Variants in DIXDC1 observed in about 807,000 individuals in gnomAD.
DIXDC1 encodes the protein dixin.
In DIXDC1, 64 loss-of-function variants were observed where a neutral mutation model predicts 103.1. The ratio of observed to expected loss-of-function variants is 0.62; its 90% CI spans 0.51 to 0.76. The LOEUF is 0.76. Among genes scored for constraint, DIXDC1 ranks in the 30% least tolerant of loss-of-function variants. DIXDC1 has a pLI of 0.00. For missense variants in DIXDC1, 759 were observed against 834.2 expected (o/e 0.91, Z 1.11); for synonymous variants, 266 against 298.5 (o/e 0.89, Z 1.12).
Position 112,016,760 on chromosome 11 carries a change from G to A in DIXDC1, c.1826G>A (p.Arg609Gln), listed in dbSNP as rs1555177782. The change falls in exon 18 of 20, where the codon CGG becomes CAG. Residue 609 changes from arginine to glutamine, a missense_variant. By Grantham distance (43) the Arg-to-Gln change is conservative. Transcript: ENST00000440460. ...TCTKVLYFTD[R>Q]SLTPFMVNIP... ...ACTAAAGTGCTCTATTTCACTGACC[G>A]GTCACTTACGCCCTTCATGGTCAAT... The A allele has an allele frequency of 1.9e-6, 3 of 1,608,758 alleles. No homozygotes were observed. Among genetic ancestry groups the A allele is most frequent in the African/African-American group, 1.3e-5 (1 of 74,788 alleles).
chr11:111,995,160 A>T, intron 15 of DIXDC1, 52 bp downstream of exon 15: 6 of 1,575,878 alleles, frequency 3.8e-6, no homozygotes, highest in Middle Eastern at 1.7e-4. Flanking sequence ...TGAAACCAGA[A>T]GAGTGCCAAA....
chr11:111,982,828 G>A (rs1555173405), intron 7 of DIXDC1, among the ~76,000 whole-genome samples: 1 of 152,194 alleles, frequency 6.6e-6, no homozygotes, highest in East Asian at 1.9e-4. Context: ...CCAAAGAATG[G>A]CACTGTGAAT....
intron 10 of DIXDC1, among the ~76,000 whole-genome samples, chr11:111,991,652 CT>C (rs1860716238): frequency 6.6e-6 from 1 of 152,152 alleles, no homozygotes; most frequent in Admixed American, 6.5e-5. Flanking sequence ...TCCAGCTCAC[CT>C]TTTGTTAGGC....
chr11:111,950,409 G>T (rs1270994582), intron 1 of DIXDC1, among the ~76,000 whole-genome samples: 2 of 41,780 alleles, frequency 4.8e-5, no homozygotes, highest in Non-Finnish European at 8.5e-5. Flanking sequence ...GTACAAAGTA[G>T]GTATATATAT....
Position 111,974,160 on chromosome 11 carries a change from G to A in DIXDC1, c.454G>A (p.Ala152Thr). Residue 152 changes from alanine to threonine, a missense_variant, in exon 4 of 20, where the codon GCC becomes ACC. Ala to Thr is a moderately conservative substitution (Grantham distance 58). Coordinates refer to ENST00000440460, the MANE Select transcript of DIXDC1 (RefSeq NM_001037954.4). ...TCTGCAAAGTCACCGACCACACTGT[G>A]CCACTGCTGTTGCCCAGGGAGCAGC... ...APLQSHRPHCATAVAQGAAAA... is the reference protein window; with the variant it reads ...APLQSHRPHCTTAVAQGAAAA... 6.2e-7 allele frequency: 1 copy of A among 1,614,032 alleles called. No homozygotes were observed. The highest frequency in any genetic ancestry group is 8.5e-7 in the Non-Finnish European group (1 of 1,179,898).
intron 1 of DIXDC1, among the ~76,000 whole-genome samples, chr11:111,956,463 A>G (rs782310115): frequency 6.6e-6 from 1 of 152,220 alleles, no homozygotes. Context: ...AATCTAGAAC[A>G]ATTTGAGCAG....
At chr11:111,975,504 A>T in intron 5 of DIXDC1, 2 of 991,654 alleles carry the variant, frequency 2.0e-6, no homozygotes, top group Non-Finnish European at 2.4e-6. Flanking sequence ...TTGCGACTCT[A>T]GCTAAAAGTT....
chr11:111,992,137 C>G (rs1426357019), intron 10 of DIXDC1, among the ~76,000 whole-genome samples: 6 of 152,074 alleles, frequency 3.9e-5, no homozygotes, highest in Admixed American at 2.6e-4. Flanking sequence ...ACCATGCTGT[C>G]AGGATTGAGG....
In DIXDC1 at chr11:111,998,621, G is replaced by A. The variant is rs1860973528; in HGVS notation, c.1756+2475G>A. 6.6e-6 allele frequency among the ~76,000 whole-genome samples: 1 copy of A among 152,116 alleles called. No individual in the cohort carries two copies. The highest frequency in any genetic ancestry group is 1.5e-5 in the Non-Finnish European group (1 of 68,000). Reference sequence around the variant, plus strand: ...TGCAATGGCGTGATCTCGACTCACTGCAAGCTCTGCCTCCAGGGTTCAAGT... The same window carrying A: ...TGCAATGGCGTGATCTCGACTCACTACAAGCTCTGCCTCCAGGGTTCAAGT... On this transcript the variant is annotated intron_variant, in intron 17 of 19. Coordinates refer to ENST00000440460, the MANE Select transcript of DIXDC1 (RefSeq NM_001037954.4). This position sits in a 1 kb window ranked among gnomAD's most constrained non-coding sequence, Gnocchi z 4.1.
chr11:111,987,937 G>T (rs587658624), intron 9 of DIXDC1, among the ~76,000 whole-genome samples: 1 of 150,924 alleles, frequency 6.6e-6, no homozygotes, highest in African/African-American at 2.4e-5. Context: ...GGATTACAGC[G>T]TGAGCCACTG....
chr11:111,988,008 T>C (rs1860555044), intron 9 of DIXDC1, among the ~76,000 whole-genome samples: 2 of 151,746 alleles, frequency 1.3e-5, no homozygotes, highest in Non-Finnish European at 2.9e-5. Context: ...GTTTTGTTTG[T>C]TTGTTTTTTG....
In DIXDC1 at chr11:112,020,749, G is replaced by A. The variant is rs1323710779; in HGVS notation, c.*1713G>A. On this transcript the variant is annotated 3_prime_UTR_variant, in exon 20 of 20. Coordinates refer to ENST00000440460, the MANE Select transcript of DIXDC1 (RefSeq NM_001037954.4). ...GTGTAATCCAGTTGATTGCTCCTCT[G>A]GCAGAGAGAAGGAGCTCAAAAGATA... 6.6e-6 allele frequency: 1 copy of A among 152,220 alleles called. No homozygotes were observed. The highest frequency in any genetic ancestry group is 1.5e-5 in the Non-Finnish European group (1 of 68,046). 9.4% of individuals were successfully genotyped at this position (152,220 alleles called of 1,614,324 possible).
intron 2 of DIXDC1, among the ~76,000 whole-genome samples, chr11:111,931,347 T>A (rs911120423): frequency 6.6e-6 from 1 of 151,734 alleles, no homozygotes; most frequent in Non-Finnish European, 1.5e-5. Flanking sequence ...TCAAAAAAAA[T>A]TTTTTTAAAG....
At chr11:112,009,677 T>C (rs1291029298) in intron 17 of DIXDC1, among the ~76,000 whole-genome samples, 1 of 152,102 alleles carries the variant, frequency 6.6e-6, no homozygotes, top group African/African-American at 2.4e-5. Context: ...ATAAATGTAA[T>C]CCATCACATA....
At chr11:111,969,515 C>T (rs1859842722) in intron 3 of DIXDC1, among the ~76,000 whole-genome samples, 1 of 151,982 alleles carries the variant, frequency 6.6e-6, no homozygotes, top group Admixed American at 6.5e-5. Context: ...CTGCATCTGC[C>T]CTCTTCTGTA....
At chr11:111,951,875 T>TG (rs1966816980) in intron 1 of DIXDC1, among the ~76,000 whole-genome samples, 1 of 151,422 alleles carries the variant, frequency 6.6e-6, no homozygotes, top group Non-Finnish European at 1.5e-5. Context: ...AAAACTTTTT[T>TG]TTTTTTTTGT....
intron 2 of DIXDC1, among the ~76,000 whole-genome samples, chr11:111,931,883 G>A (rs1042015515): frequency 2.0e-5 from 3 of 152,142 alleles, no homozygotes; most frequent in South Asian, 2.1e-4. Context: ...GTGGAGCTCT[G>A]ACACCTGATC....
chr11:112,005,165 A>G (rs1555176466), intron 17 of DIXDC1, among the ~76,000 whole-genome samples: 2 of 152,220 alleles, frequency 1.3e-5, no homozygotes, highest in East Asian at 1.9e-4. Context: ...ACTACTGTTT[A>G]TAGGAAACCC....
At chr11:111,960,751 C>T (rs1386073302) in intron 1 of DIXDC1, among the ~76,000 whole-genome samples, 1 of 152,132 alleles carries the variant, frequency 6.6e-6, no homozygotes, top group African/African-American at 2.4e-5. Context: ...TCTGACTGCT[C>T]TATGGTGGGC....
Sources: allele counts gnomAD v4.1 joint callset (sites outside exome capture counted in the v4.1 genomes callset), GRCh38; gene constraint gnomAD v4.1.1; non-coding constraint Gnocchi (gnomAD v3.1); transcripts MANE v1.5; gene names NCBI Gene and HGNC (gene_info 2026-07-23, HGNC 2026-07-21).